Variants in RNF220 observed in about 807,000 individuals in gnomAD.
The protein encoded by RNF220 is ring finger protein 220.
RNF220 carries 7 observed loss-of-function variants against 67.1 expected under a neutral mutation model. The observed-to-expected ratio is 0.10, with a 90% CI of 0.06 to 0.20. The LOEUF is 0.20. Among genes scored for constraint, RNF220 ranks in the 10% least tolerant of loss-of-function variants. The pLI is 1.00. For missense variants in RNF220, 565 were observed against 740.3 expected (o/e 0.76, Z 2.75); for synonymous variants, 270 against 283.2 (o/e 0.95, Z 0.47).
chr1:44,477,612 G>A (rs1655409047), intron 2 of RNF220, among the ~76,000 whole-genome samples: 2 of 152,326 alleles, frequency 1.3e-5, no homozygotes, highest in South Asian at 2.1e-4. Flanking sequence ...TCATGCATCT[G>A]TAGGTGATCT....
At chr1:44,608,454 T>C (rs933083633) in intron 2 of RNF220, among the ~76,000 whole-genome samples, 1 of 152,222 alleles carries the variant, frequency 6.6e-6, no homozygotes, top group Non-Finnish European at 1.5e-5. Flanking sequence ...TGTTCAGGTC[T>C]GGATTCAGAC....
At chr1:44,466,080 A>G (rs1654248541) in intron 2 of RNF220, among the ~76,000 whole-genome samples, 1 of 152,210 alleles carries the variant, frequency 6.6e-6, no homozygotes, top group Non-Finnish European at 1.5e-5. Context: ...AATTGTAGTC[A>G]GTCCTCTCAA....
At chr1:44,428,609 C>T (rs747088652) in intron 2 of RNF220, among the ~76,000 whole-genome samples, 17 of 152,180 alleles carry the variant, frequency 1.1e-4, no homozygotes, top group Non-Finnish European at 2.2e-4. Flanking sequence ...TCCCACCCCG[C>T]CCCATCATCT....
intron 2 of RNF220, among the ~76,000 whole-genome samples, chr1:44,437,101 A>G (rs1231398501): frequency 6.6e-6 from 1 of 152,224 alleles, no homozygotes; most frequent in African/African-American, 2.4e-5. Flanking sequence ...ATCTTCAGAG[A>G]AGTAAGTATT....
At position 44,626,364 on chromosome 1, in the gene RNF220, C is replaced by G. The variant is rs527796054; in HGVS notation, c.872C>G (p.Ala291Gly). ...ESPTASPHSS[A>G]TDDLHHSDRY... ...CCAACGGCATCACCCCACTCATCTG[C>G]CACCGATGACCTCCACCATTCAGAC... Residue 291 changes from alanine to glycine, a missense_variant, in exon 5 of 15, where the codon GCC (alanine) becomes GGC (glycine). By Grantham distance (60) the Ala-to-Gly change is moderately conservative. Coordinates refer to ENST00000361799, the MANE Select transcript of RNF220 (RefSeq NM_018150.4). 2 of 1,613,284 alleles carry G rather than the reference C, an allele frequency of 1.2e-6. No individual in the cohort carries two copies. Among genetic ancestry groups the G allele is most frequent in the Admixed American group, 3.3e-5 (2 of 59,966 alleles).
At chr1:44,573,374 G>A (rs1664585409) in intron 2 of RNF220, among the ~76,000 whole-genome samples, 1 of 152,216 alleles carries the variant, frequency 6.6e-6, no homozygotes, top group Non-Finnish European at 1.5e-5. Flanking sequence ...AAAAAGAGAT[G>A]TCAGGATCAG....
At chr1:44,572,094 T>C (rs1406285804) in intron 2 of RNF220, among the ~76,000 whole-genome samples, 4 of 152,240 alleles carry the variant, frequency 2.6e-5, no homozygotes, top group African/African-American at 9.6e-5. Context: ...TTATGGTTAA[T>C]CTAAAACATA....
chr1:44,415,124 A>G (rs1162513001), intron 2 of RNF220, among the ~76,000 whole-genome samples: 1 of 149,608 alleles, frequency 6.7e-6, no homozygotes, highest in Non-Finnish European at 1.5e-5. Flanking sequence ...ATTTTTCTGT[A>G]AGGAAGGGTT....
At chr1:44,640,602 C>A (rs1289517820) in intron 8 of RNF220, among the ~76,000 whole-genome samples, 4 of 152,206 alleles carry the variant, frequency 2.6e-5, no homozygotes, top group Non-Finnish European at 5.9e-5. Flanking sequence ...AACGCGTTAT[C>A]GAGGAGGCCC....
At chr1:44,548,854 AC>A (rs1311819859) in intron 2 of RNF220, among the ~76,000 whole-genome samples, 2 of 152,082 alleles carry the variant, frequency 1.3e-5, no homozygotes, top group Non-Finnish European at 2.9e-5. Flanking sequence ...ATAAGTGGAA[AC>A]CCTTTCTTTC....
rs11210994 is a variant in RNF220, at chr1:44,417,747, T to G, written c.625+5025T>G. Among the ~76,000 whole-genome samples, 100,983 of 152,114 alleles carry G rather than the reference T, an allele frequency of 0.66. 34,660 individuals are homozygous for G. Among genetic ancestry groups the G allele is most frequent in the Middle Eastern group, 0.87 (256 of 294 alleles). Reference sequence around the variant, plus strand: ...GCAGAAGGGTGGCTGGTAATTGATCTTCTGGGGGAGGGGGCGCGGAGAGGC... The same window carrying G: ...GCAGAAGGGTGGCTGGTAATTGATCGTCTGGGGGAGGGGGCGCGGAGAGGC... On this transcript the variant is annotated intron_variant, in intron 2 of 14. Transcript: ENST00000361799. This position sits in a 1 kb window ranked among gnomAD's most constrained non-coding sequence, Gnocchi z 4.0.
In RNF220 at chr1:44,632,403, C is replaced by CCGG; in HGVS notation, c.949+19_949+20insGGC. 1.2e-6 allele frequency: 2 copies of CCGG among 1,604,496 alleles called. No homozygotes were observed. The highest frequency in any genetic ancestry group is 1.7e-6 in the Non-Finnish European group (2 of 1,175,108). On this transcript the variant is annotated intron_variant, in intron 6 of 14. Coordinates refer to ENST00000361799, the MANE Select transcript of RNF220 (RefSeq NM_018150.4). ...ACTGAATGGTGAGTCCTGCCCGGCCCCTCCCTCCGCCCCACCCCCGGCCTC... is the reference window on the plus strand; with the variant it reads ...ACTGAATGGTGAGTCCTGCCCGGCCCCGGCTCCCTCCGCCCCACCCCCGGCCTC...
intron 2 of RNF220, among the ~76,000 whole-genome samples, chr1:44,511,438 TGAA>T (rs1204218985): frequency 6.6e-6 from 1 of 152,106 alleles, no homozygotes; most frequent in Non-Finnish European, 1.5e-5. Flanking sequence ...TGCTAATAAA[TGAA>T]GAGAAGTGGG....
chr1:44,541,353 G>A (rs909727425), intron 2 of RNF220, among the ~76,000 whole-genome samples: 4 of 152,148 alleles, frequency 2.6e-5, no homozygotes, highest in African/African-American at 4.8e-5. Context: ...ACTTGAACTC[G>A]GGAAGCAGAG....
At chr1:44,538,444 A>G (rs1323252879) in intron 2 of RNF220, among the ~76,000 whole-genome samples, 6 of 152,034 alleles carry the variant, frequency 3.9e-5, no homozygotes, top group Non-Finnish European at 8.8e-5. Context: ...ACACTTTCTC[A>G]CATCTCATCT....
At chr1:44,636,863 G>A (rs922029473) in intron 8 of RNF220, among the ~76,000 whole-genome samples, 1 of 152,218 alleles carries the variant, frequency 6.6e-6, no homozygotes, top group African/African-American at 2.4e-5. Context: ...GAAGAGCAAG[G>A]CTTGACACCC....
At chr1:44,491,929 GC>G (rs1656894195) in intron 2 of RNF220, among the ~76,000 whole-genome samples, 1 of 152,198 alleles carries the variant, frequency 6.6e-6, no homozygotes. Flanking sequence ...CTCCCAAAGT[GC>G]TGGAATTACA....
intron 2 of RNF220, among the ~76,000 whole-genome samples, chr1:44,420,565 G>A (rs1649096094): frequency 6.6e-6 from 1 of 152,170 alleles, no homozygotes; most frequent in Non-Finnish European, 1.5e-5. Context: ...ATAAATACCT[G>A]TTAGAGGAAT....
At chr1:44,498,769 C>T (rs1483925220) in intron 2 of RNF220, among the ~76,000 whole-genome samples, 11 of 152,128 alleles carry the variant, frequency 7.2e-5, no homozygotes, top group Admixed American at 5.2e-4. Context: ...GTTTCTGATT[C>T]GGTAGGTCTA....
Sources: allele counts gnomAD v4.1 joint callset (sites outside exome capture counted in the v4.1 genomes callset), GRCh38; gene constraint gnomAD v4.1.1; non-coding constraint Gnocchi (gnomAD v3.1); transcripts MANE v1.5; gene names NCBI Gene and HGNC (gene_info 2026-07-23, HGNC 2026-07-21).